The following MYO1E variants were observed in gnomAD, a reference collection of about 807,000 sequenced individuals.
MYO1E encodes the protein myosin IE.
In MYO1E, 68 loss-of-function variants were observed where a neutral mutation model predicts 151.1. The observed-to-expected ratio is 0.45, with a 90% CI of 0.37 to 0.55. MYO1E has a LOEUF of 0.55. MYO1E is among the 20% of genes least tolerant of loss of function. The probability of loss-of-function intolerance (pLI) is 0.00; values close to 1 mark genes in which losing one functional copy is unlikely to be tolerated. For missense variants in MYO1E, 1,363 were observed against 1,389.3 expected (o/e 0.98, Z 0.30); for synonymous variants, 601 against 501.7 (o/e 1.20, Z -2.64).
At chr15:59,286,310 A>C (rs1338052941) in intron 1 of MYO1E, among the ~76,000 whole-genome samples, 1 of 152,180 alleles carries the variant, frequency 6.6e-6, no homozygotes, top group African/African-American at 2.4e-5. Flanking sequence ...GAGTTAACCA[A>C]CTACTCACAT....
In MYO1E at chr15:59,171,909, G is replaced by A. The variant is rs183513448; in HGVS notation, c.2468C>T (p.Ser823Phe). The A allele has an allele frequency of 3.0e-5, 48 of 1,614,200 alleles. No homozygotes were observed. In the African/African-American group the frequency reaches 4.5e-4, roughly 15 times the overall value. Residue 823 changes from serine to phenylalanine, a missense_variant, in exon 22 of 28, where the codon TCT becomes TTT. Physicochemically the swap from Ser to Phe is radical, Grantham distance 155 (BLOSUM62 -2). Transcript: ENST00000288235. ...CTCCACTACTCACCTGAGGGACACA[G>A]ACAAGATCCGTTCTATCTCGATTTT... ...KRKIEIERIL[S>F]VSLSTMQDDI...
chr15:59,221,531 G>A (rs1291822689), intron 9 of MYO1E, among the ~76,000 whole-genome samples: 2 of 152,130 alleles, frequency 1.3e-5, no homozygotes, highest in Non-Finnish European at 2.9e-5. Context: ...ACCCCCTCAA[G>A]CCACGTTAAT....
At position 59,222,623 on chromosome 15, in the gene MYO1E, T is replaced by G. The variant is rs139703158; in HGVS notation, c.910+436A>C. 1.2e-3 allele frequency among the ~76,000 whole-genome samples: 190 copies of G among 152,356 alleles called. 1 individual carries two copies. The East Asian group carries it at 0.031, about 25-fold the overall frequency. ...TGTGAAGCTGTGAGCTTCCCATATTTACATATATTATATTGCTTGCTCTTT... is the reference window on the plus strand; with the variant it reads ...TGTGAAGCTGTGAGCTTCCCATATTGACATATATTATATTGCTTGCTCTTT... On this transcript the variant is annotated intron_variant, in intron 9 of 27. Transcript: ENST00000288235.
chr15:59,206,847 T>G, intron 14 of MYO1E: 2 of 1,315,438 alleles, frequency 1.5e-6, no homozygotes, highest in Non-Finnish European at 1.0e-6. Flanking sequence ...TGCCGTAGAG[T>G]GCTGAAGGTC....
At chr15:59,341,680 G>T (rs1235307931) in intron 1 of MYO1E, among the ~76,000 whole-genome samples, 1 of 152,014 alleles carries the variant, frequency 6.6e-6, no homozygotes, top group South Asian at 2.1e-4. Context: ...AAATGACAGG[G>T]TTTCATTCTT....
At chr15:59,315,333 C>T (rs1174119210) in intron 1 of MYO1E, among the ~76,000 whole-genome samples, 1 of 152,102 alleles carries the variant, frequency 6.6e-6, no homozygotes, top group Non-Finnish European at 1.5e-5. Context: ...ATTGCCATCC[C>T]CATCCACGTA....
chr15:59,231,357 C>G, intron 6 of MYO1E, among the ~76,000 whole-genome samples: 1 of 152,174 alleles, frequency 6.6e-6, no homozygotes, highest in East Asian at 1.9e-4. Context: ...CTGGGATACC[C>G]CTCTACTCTA....
intron 26 of MYO1E, among the ~76,000 whole-genome samples, chr15:59,144,756 T>C (rs542741822): frequency 2.2e-4 from 34 of 152,322 alleles, no homozygotes; most frequent in Non-Finnish European, 5.0e-4. Flanking sequence ...ACAGCCATTT[T>C]CCCAGACTCC....
intron 1 of MYO1E, among the ~76,000 whole-genome samples, chr15:59,346,377 A>C (rs1197646156): frequency 2.0e-5 from 3 of 152,198 alleles, no homozygotes; most frequent in Non-Finnish European, 4.4e-5. Context: ...AGAAGAGTGC[A>C]CTGGGACACT....
chr15:59,186,608 G>C (rs774529918), intron 18 of MYO1E, among the ~76,000 whole-genome samples: 3 of 152,102 alleles, frequency 2.0e-5, no homozygotes, highest in African/African-American at 7.2e-5. Flanking sequence ...AAAGTCATCT[G>C]GGCATGGTGA....
Position 59,252,428 on chromosome 15 carries a change from A to G in MYO1E, c.332+3856T>C, listed in dbSNP as rs576416776. On this transcript the variant is annotated intron_variant, in intron 4 of 27. Transcript: ENST00000288235. ...TGAAACCCTGTCTACTAAAAATGCA[A>G]AAGAGGCTGGGTGCAGTGGCTCATG... 1.1e-3 allele frequency among the ~76,000 whole-genome samples: 163 copies of G among 152,164 alleles called. 1 individual carries two copies. The highest frequency in any genetic ancestry group is 3.6e-3 in the African/African-American group (149 of 41,514).
At chr15:59,310,986 C>T (rs192883957) in intron 1 of MYO1E, among the ~76,000 whole-genome samples, 1 of 152,248 alleles carries the variant, frequency 6.6e-6, no homozygotes, top group African/African-American at 2.4e-5. Flanking sequence ...CCCACGTACT[C>T]ATGTACTCAT....
chr15:59,327,131 G>A (rs1436062074), intron 1 of MYO1E, among the ~76,000 whole-genome samples: 2 of 152,064 alleles, frequency 1.3e-5, no homozygotes, highest in South Asian at 4.2e-4. Flanking sequence ...TTTCTCACTT[G>A]ACTCTTCCAC....
chr15:59,340,528 G>A (rs2080758893), intron 1 of MYO1E, among the ~76,000 whole-genome samples: 1 of 152,128 alleles, frequency 6.6e-6, no homozygotes, highest in African/African-American at 2.4e-5. Flanking sequence ...GTCACTCACT[G>A]TGTTTTTACC....
In MYO1E at chr15:59,281,904, C is replaced by T. The variant is rs972602680; in HGVS notation, c.4-9455G>A. The stretch of plus-strand genomic sequence containing the variant: ...GCTTGAGCCCAGGAGTTCAAGGCTG[C>T]AGTAAGCTATGATTGCACCACTGCA... On this transcript the variant is annotated intron_variant, in intron 1 of 27. Transcript: ENST00000288235. Among the ~76,000 whole-genome samples, 3 of 149,950 alleles carry T rather than the reference C, an allele frequency of 2.0e-5. No homozygotes were observed. The South Asian group carries it at 6.4e-4, about 32-fold the overall frequency.
At chr15:59,181,854 G>C (rs77558435) in intron 18 of MYO1E, among the ~76,000 whole-genome samples, 3,648 of 152,212 alleles carry the variant, frequency 0.024, 147 homozygotes, top group African/African-American at 0.084. Context: ...TTTCTCATTT[G>C]GCAGCCTTTC....
intron 1 of MYO1E, among the ~76,000 whole-genome samples, chr15:59,321,595 A>G (rs2080626531): frequency 6.6e-6 from 1 of 152,162 alleles, no homozygotes; most frequent in South Asian, 2.1e-4. Context: ...AAATTCAAAT[A>G]CCCTATGTTC....
chr15:59,224,039 C>A (rs1209066490), intron 8 of MYO1E, among the ~76,000 whole-genome samples: 1 of 152,184 alleles, frequency 6.6e-6, no homozygotes, highest in East Asian at 1.9e-4. Flanking sequence ...GAGGAATAGT[C>A]CCCAGCTTGA....
At chr15:59,154,238 G>T (rs2079497909) in intron 25 of MYO1E, among the ~76,000 whole-genome samples, 1 of 152,154 alleles carries the variant, frequency 6.6e-6, no homozygotes, top group South Asian at 2.1e-4. Context: ...ACAGGCAGCT[G>T]CTTAAACAGC....
Sources: gnomAD v4.1 joint callset for allele counts (sites outside exome capture counted in the v4.1 genomes callset) on GRCh38, gnomAD v4.1.1 for gene constraint, MANE v1.5 for transcripts, NCBI Gene and HGNC (gene_info 2026-07-23, HGNC 2026-07-21) for gene names.